STARD13: variants seen among roughly 807,000 people sequenced by gnomAD.
STARD13 encodes stAR-related lipid transfer protein 13.
STARD13 carries 62 observed loss-of-function variants against 106.4 expected under a neutral mutation model. The ratio of observed to expected loss-of-function variants is 0.58; its 90% confidence interval spans 0.48 to 0.72. The LOEUF (loss-of-function observed/expected upper bound fraction) is 0.72, where lower values mean the gene tolerates loss of function less well. Among genes scored for constraint, STARD13 ranks in the 30% least tolerant of loss-of-function variants. The pLI, the probability that STARD13 is intolerant of heterozygous loss-of-function variation, is 0.00. For synonymous variants in STARD13, 565 were observed against 553.0 expected, an observed-to-expected ratio of 1.02 and a Z score of -0.31; for missense variants, 1,387 against 1,424.0, an observed-to-expected ratio of 0.97 and a Z score of 0.42.
chr13:33,483,210 A>C, the STARD13 span, among the ~76,000 whole-genome samples: 121 of 152,348 alleles, frequency 7.9e-4, no homozygotes, highest in Non-Finnish European at 9.8e-4. Context: ...ACTAGGGATA[A>C]AAATCTAGAA....
chr13:33,633,807 C>G, the STARD13 span, among the ~76,000 whole-genome samples: 1 of 152,078 alleles, frequency 6.6e-6, no homozygotes, highest in Non-Finnish European at 1.5e-5. Context: ...AACAGCACCC[C>G]CAGTCTTGCC....
intron 1 of STARD13, among the ~76,000 whole-genome samples, chr13:33,324,929 C>T (rs934801922): frequency 6.6e-6 from 1 of 152,126 alleles, no homozygotes; most frequent in Non-Finnish European, 1.5e-5. Context: ...CCAGACTGTA[C>T]CGGAAATGTC....
the STARD13 span, among the ~76,000 whole-genome samples, chr13:33,425,769 C>T: frequency 6.6e-6 from 1 of 152,172 alleles, no homozygotes; most frequent in East Asian, 1.9e-4. Context: ...AATGACACTA[C>T]CATGTAAATG....
At chr13:33,300,140 C>A (rs1381409698) in intron 1 of STARD13, among the ~76,000 whole-genome samples, 1 of 152,124 alleles carries the variant, frequency 6.6e-6, no homozygotes, top group Non-Finnish European at 1.5e-5. Context: ...TTGGACAAAT[C>A]AAATTAGTTC....
At chr13:33,649,822 C>T in the STARD13 span, among the ~76,000 whole-genome samples, 1 of 152,160 alleles carries the variant, frequency 6.6e-6, no homozygotes, top group South Asian at 2.1e-4. Flanking sequence ...CTGTGAGTGA[C>T]TCTGACTTTA....
At chr13:33,339,734 T>G (rs912892978) in intron 1 of STARD13, among the ~76,000 whole-genome samples, 7 of 152,240 alleles carry the variant, frequency 4.6e-5, no homozygotes, top group African/African-American at 1.7e-4. Flanking sequence ...TTATGTTCAT[T>G]GTAACAATAA....
intron 1 of STARD13, among the ~76,000 whole-genome samples, chr13:33,170,677 T>C (rs1341406143): frequency 6.6e-6 from 1 of 152,170 alleles, no homozygotes; most frequent in African/African-American, 2.4e-5. Context: ...TGACTCCTCG[T>C]GTAGCATCAT....
chr13:33,540,530 T>A, the STARD13 span, among the ~76,000 whole-genome samples: 19 of 152,226 alleles, frequency 1.2e-4, no homozygotes, highest in Non-Finnish European at 2.8e-4. Flanking sequence ...TTAGAACTTC[T>A]AGCAATTTAA....
At chr13:33,629,242 G>A in the STARD13 span, among the ~76,000 whole-genome samples, 9 of 152,310 alleles carry the variant, frequency 5.9e-5, no homozygotes, top group African/African-American at 2.2e-4. Flanking sequence ...TACTTCATTG[G>A]TAAGACAACA....
upstream of STARD13, chr13:33,285,875 GC>G: frequency 2.3e-6 from 2 of 870,080 alleles, no homozygotes; most frequent in South Asian, 5.4e-5. Context: ...TCAGCCCTAA[GC>G]CCCGACCAGA....
chr13:33,413,476 G>C, the STARD13 span, among the ~76,000 whole-genome samples: 1 of 152,050 alleles, frequency 6.6e-6, no homozygotes, highest in Non-Finnish European at 1.5e-5. Flanking sequence ...ACAAAGAGTT[G>C]GTTCTTTAAA....
chr13:33,270,667 T>A (rs758815936), intron 1 of STARD13, among the ~76,000 whole-genome samples: 1 of 152,188 alleles, frequency 6.6e-6, no homozygotes, highest in Non-Finnish European at 1.5e-5. Context: ...AAGCTTGCCA[T>A]ACAAATTAGG....
At chr13:33,673,589 C>A in the STARD13 span, among the ~76,000 whole-genome samples, 1 of 147,058 alleles carries the variant, frequency 6.8e-6, no homozygotes, top group Non-Finnish European at 1.5e-5. Flanking sequence ...TGTCACCATG[C>A]TGGAGTGCAG....
At chr13:33,342,003 C>T (rs2077966776) in intron 1 of STARD13, among the ~76,000 whole-genome samples, 2 of 152,146 alleles carry the variant, frequency 1.3e-5, no homozygotes, top group South Asian at 4.1e-4. Flanking sequence ...GTTGGCCAGG[C>T]TGGTCTTAAA....
chr13:33,538,865 G>T, the STARD13 span, among the ~76,000 whole-genome samples: 10 of 152,050 alleles, frequency 6.6e-5, no homozygotes, highest in East Asian at 1.9e-3. Context: ...CGCCTCCCGG[G>T]TTCACACCAT....
intron 1 of STARD13, among the ~76,000 whole-genome samples, chr13:33,311,080 G>A (rs1418074971): frequency 3.3e-5 from 5 of 150,530 alleles, no homozygotes; most frequent in Non-Finnish European, 7.4e-5. Flanking sequence ...GATCACTTAA[G>A]CCCAGAAGTT....
intron 1 of STARD13, among the ~76,000 whole-genome samples, chr13:33,253,981 T>A (rs1284306446): frequency 1.3e-5 from 2 of 152,238 alleles, no homozygotes; most frequent in Non-Finnish European, 2.9e-5. Flanking sequence ...TTGTAAAATG[T>A]ATTAGTGCTG....
Position 33,106,777 on chromosome 13 carries a change from T to A in STARD13, c.3205A>T (p.Ile1069Phe), listed in dbSNP as rs1193760951. 6.2e-7 allele frequency: 1 copy of A among 1,613,486 alleles called. No individual in the cohort carries two copies. Among genetic ancestry groups the A allele is most frequent in the Admixed American group, 1.7e-5 (1 of 59,990 alleles). The stretch of plus-strand genomic sequence containing the variant: ...ACTTACTTCAGGTCTATCCTGCAGA[T>A]GTGAGTCAGTCTTGACTTGCCAGAG... ...CGSGKSRLTH[I>F]CRIDLKGHSP... The change falls in exon 13 of 14, where the codon ATC (isoleucine) becomes TTC (phenylalanine). Residue 1069 changes from isoleucine (I) to phenylalanine (F), a missense_variant. Coordinates refer to ENST00000336934, the MANE Select transcript of STARD13 (RefSeq NM_178006.4).
intron 1 of STARD13, among the ~76,000 whole-genome samples, chr13:33,236,488 T>TACATATGCA: frequency 6.6e-6 from 1 of 152,368 alleles, no homozygotes; most frequent in South Asian, 2.1e-4. Flanking sequence ...TTAATCCTCT[T>TACATATGCA]AAGCCTTTGT....
Sources: gnomAD v4.1 joint callset for allele counts (sites outside exome capture counted in the v4.1 genomes callset) on GRCh38, gnomAD v4.1.1 for gene constraint, MANE v1.5 for transcripts, NCBI Gene and HGNC (gene_info 2026-07-23, HGNC 2026-07-21) for gene names.